ERGIC1: variants seen among roughly 807,000 people sequenced by gnomAD.
ERGIC1 encodes endoplasmic reticulum-Golgi intermediate compartment protein 1.
A neutral mutation model predicts 38.3 loss-of-function variants in ERGIC1; 19 were observed. That is an observed-to-expected ratio of 0.50 (90% CI 0.35 to 0.73). ERGIC1 has a LOEUF of 0.73. Ranked by LOEUF, ERGIC1 falls within the 30% of genes least tolerant of loss-of-function variation. The probability of loss-of-function intolerance (pLI) is 0.01; values close to 1 mark genes in which losing one functional copy is unlikely to be tolerated. For missense variants in ERGIC1, 294 were observed against 389.2 expected, an observed-to-expected ratio of 0.76 and a Z score of 2.06; for synonymous variants, 124 against 157.6, an observed-to-expected ratio of 0.79 and a Z score of 1.60.
At chr5:172,851,965 T>C (rs1405312089) in intron 1 of ERGIC1, among the ~76,000 whole-genome samples, 1 of 152,096 alleles carries the variant, frequency 6.6e-6, no homozygotes, top group Non-Finnish European at 1.5e-5. Flanking sequence ...CGAGATCGTC[T>C]TTGAGAGATG....
At chr5:172,835,874 G>A (rs1168819480) in intron 1 of ERGIC1, among the ~76,000 whole-genome samples, 1 of 152,192 alleles carries the variant, frequency 6.6e-6, no homozygotes, top group African/African-American at 2.4e-5. Context: ...CAGCCCCTCT[G>A]GTGGAATTCA....
chr5:172,898,694 T>A (rs972908284), intron 3 of ERGIC1: 4 of 152,178 alleles, frequency 2.6e-5, no homozygotes, highest in African/African-American at 9.7e-5. Flanking sequence ...TCAGTATTGG[T>A]AGCCAAATGA....
intron 1 of ERGIC1, among the ~76,000 whole-genome samples, chr5:172,876,271 A>T (rs928058659): frequency 9.2e-5 from 14 of 152,240 alleles, no homozygotes. Context: ...GTGGATGCAC[A>T]AAGAGGATTT....
chr5:172,891,207 C>T lies in ERGIC1; in HGVS notation c.82+2447C>T, dbSNP rs1274979997. Reference sequence around the variant, plus strand: ...AGGGCCTGTGGCCTGAGAAGCTGTGCAGCTTTGTGCCTTGACTCCCGAGGA... The same window carrying T: ...AGGGCCTGTGGCCTGAGAAGCTGTGTAGCTTTGTGCCTTGACTCCCGAGGA... On this transcript the variant is annotated intron_variant, in intron 2 of 9. Transcript: ENST00000393784. Among the ~76,000 whole-genome samples, 7 of 152,236 alleles carry T rather than the reference C, an allele frequency of 4.6e-5. No individual in the cohort carries two copies. In the South Asian group the frequency reaches 1.4e-3, roughly 32 times the overall value.
intron 1 of ERGIC1, among the ~76,000 whole-genome samples, chr5:172,848,976 C>T (rs920158101): frequency 1.8e-4 from 27 of 152,350 alleles, no homozygotes; most frequent in African/African-American, 6.0e-4. Flanking sequence ...CACGTGCCAG[C>T]TCCCCTTGCT....
rs1764256470 is a variant in ERGIC1 at position 172,952,548 on chromosome 5, T to C, written c.*1732T>C. 6.7e-6 allele frequency: 1 copy of C among 149,640 alleles called. No individual in the cohort carries two copies. The highest frequency in any genetic ancestry group is 2.5e-5 in the African/African-American group (1 of 40,450). 9.3% of individuals were successfully genotyped at this position (149,640 alleles called of 1,614,324 possible). On this transcript the variant is annotated 3_prime_UTR_variant, in exon 10 of 10. Transcript: ENST00000393784. Reference sequence around the variant, plus strand: ...AAAAAAAAAAACAACTCTGAGGACATAGGGGATGTCAGTTTCCTATGGAAG... The same window carrying C: ...AAAAAAAAAAACAACTCTGAGGACACAGGGGATGTCAGTTTCCTATGGAAG...
At chr5:172,876,717 C>T (rs572235369) in intron 1 of ERGIC1, among the ~76,000 whole-genome samples, 1 of 152,194 alleles carries the variant, frequency 6.6e-6, no homozygotes, top group Non-Finnish European at 1.5e-5. Flanking sequence ...CACCCCAAAG[C>T]TTGCTCCTCC....
chr5:172,898,031 G>A (rs1762767794), intron 3 of ERGIC1: 2 of 406,220 alleles, frequency 4.9e-6, no homozygotes, highest in East Asian at 3.6e-5. Context: ...AGACCCAGGA[G>A]CTTCCTGCCT....
At chr5:172,929,149 A>ATGTGTG (rs1367026074) in intron 7 of ERGIC1, among the ~76,000 whole-genome samples, 2 of 67,456 alleles carry the variant, frequency 3.0e-5, no homozygotes, top group African/African-American at 1.6e-4. Context: ...TGTCATATAT[A>ATGTGTG]TATATGTGTG....
At chr5:172,841,816 A>G (rs1761168472) in intron 1 of ERGIC1, among the ~76,000 whole-genome samples, 1 of 152,244 alleles carries the variant, frequency 6.6e-6, no homozygotes, top group African/African-American at 2.4e-5. Flanking sequence ...TTACAGACAG[A>G]TACAATGATT....
intron 5 of ERGIC1, chr5:172,920,581 GTTTC>G: frequency 4.8e-6 from 3 of 627,118 alleles, no homozygotes; most frequent in South Asian, 3.6e-5. Context: ...AAGCGTTGCT[GTTTC>G]TTTCTTCAGC....
At chr5:172,935,453 G>A (rs1324644020) in intron 9 of ERGIC1, 143 bp downstream of exon 9, 1 of 1,046,878 alleles carries the variant, frequency 9.6e-7, no homozygotes, top group Non-Finnish European at 1.4e-6. Context: ...GGCACAGGAG[G>A]CTTCGACCCC....
chr5:172,839,406 GA>G (rs921744327), intron 1 of ERGIC1, among the ~76,000 whole-genome samples: 6 of 148,954 alleles, frequency 4.0e-5, no homozygotes, highest in Non-Finnish European at 7.4e-5. Context: ...TCTCTATGGG[GA>G]AAAAAAAATG....
At chr5:172,860,578 C>T (rs1761673638) in intron 1 of ERGIC1, among the ~76,000 whole-genome samples, 1 of 152,202 alleles carries the variant, frequency 6.6e-6, no homozygotes. Flanking sequence ...GCGGTGTGTG[C>T]AAGCCTCAGA....
intron 9 of ERGIC1, among the ~76,000 whole-genome samples, chr5:172,950,413 C>G (rs1402141854): frequency 6.6e-6 from 1 of 152,186 alleles, no homozygotes; most frequent in East Asian, 1.9e-4. Context: ...TCAGTTTCCT[C>G]CGCTGTGAAA....
In ERGIC1 at chr5:172,908,311, G is replaced by A. The variant is rs1561729563; in HGVS notation, c.156-1356G>A. Among the ~76,000 whole-genome samples, 80 of 31,716 alleles carry A rather than the reference G, an allele frequency of 2.5e-3. 10 individuals are homozygous for A. The highest frequency in any genetic ancestry group is 0.011 in the African/African-American group (79 of 6,878). 20.8% of individuals were successfully genotyped at this position (31,716 alleles called of 152,430 possible). On this transcript the variant is annotated intron_variant, in intron 3 of 9. Transcript: ENST00000393784. ...TTGGGAGGCTGAGGCGGGGGCGGGG[G>A]GGGGGGGAGAGAGGGGAGGGGGGGA... is the stretch of plus-strand genomic sequence containing the variant.
At chr5:172,935,409 A>T (rs1237851573) in intron 9 of ERGIC1, 99 bp downstream of exon 9, 84 of 1,544,634 alleles carry the variant, frequency 5.4e-5, no homozygotes, top group Non-Finnish European at 7.4e-5. Context: ...TCGCTGAAAC[A>T]GGAGGCAGCC....
At chr5:172,840,776 T>C (rs545587090) in intron 1 of ERGIC1, among the ~76,000 whole-genome samples, 2 of 152,308 alleles carry the variant, frequency 1.3e-5, no homozygotes, top group East Asian at 3.9e-4. Context: ...CCTTGGAGCT[T>C]GTTGGAAGTG....
rs754092177 is a variant in ERGIC1 at position 172,932,431 on chromosome 5, C to T, written c.542-5C>T. 29 of 1,613,876 alleles carry T rather than the reference C, an allele frequency of 1.8e-5. No homozygotes were observed. In the African/African-American group the frequency reaches 3.1e-4, roughly 17 times the overall value. On this transcript the variant is annotated splice_polypyrimidine_tract_variant and splice_region_variant and intron_variant, in intron 7 of 9. Transcript: ENST00000393784. ...CTGCTTCATTCTGCTGTGTCCTTCC[C>T]GCAGCCCTGGCCTCCCACGACTACA...
Sources: gnomAD v4.1 joint callset for allele counts (sites outside exome capture counted in the v4.1 genomes callset) on GRCh38, gnomAD v4.1.1 for gene constraint, MANE v1.5 for transcripts, NCBI Gene and HGNC (gene_info 2026-07-23, HGNC 2026-07-21) for gene names.